PMFBP1: variants seen among roughly 807,000 people sequenced by gnomAD.
PMFBP1 encodes the protein polyamine modulated factor 1 binding protein 1, also known as polyamine-modulated factor 1-binding protein 1.
In PMFBP1, 131 loss-of-function variants were observed where a neutral mutation model predicts 137.8. The ratio of observed to expected loss-of-function variants is 0.95; its 90% CI spans 0.82 to 1.10. PMFBP1 has a LOEUF of 1.10. Among genes scored for constraint, PMFBP1 ranks in the 50% least tolerant of loss-of-function variants. The pLI is 0.00. For synonymous variants in PMFBP1, 490 were observed against 450.4 expected (o/e 1.09, Z -1.11); for missense variants, 1,199 against 1,175.4 (o/e 1.02, Z -0.29).
At chr16:72,210,734 T>C in the PMFBP1 span, among the ~76,000 whole-genome samples, 11 of 152,292 alleles carry the variant, frequency 7.2e-5, no homozygotes, top group Admixed American at 4.6e-4. Context: ...ACAGGGGCAA[T>C]TTCCCTCCCA....
chr16:72,221,956 G>A, the PMFBP1 span, among the ~76,000 whole-genome samples: 1 of 152,184 alleles, frequency 6.6e-6, no homozygotes, highest in Non-Finnish European at 1.5e-5. Flanking sequence ...CAGTTATTGA[G>A]TAGCAGGCAC....
chr16:72,136,569 CGCAGTCCGT>C lies in PMFBP1; in HGVS notation c.1073_1081del (p.His358_Leu360del). Reference sequence around the variant, plus strand: ...CTCAATGTGGGCAGATGTCTCCTCCCGCAGTCCGTGCAGGTCCAGCTCCAGCTTCATCAT... The same window carrying C: ...CTCAATGTGGGCAGATGTCTCCTCCCGCAGGTCCAGCTCCAGCTTCATCAT... On this transcript the variant is annotated inframe_deletion, in exon 9 of 21. Coordinates refer to ENST00000237353, the MANE Select transcript of PMFBP1 (RefSeq NM_031293.3). The C allele has an allele frequency of 6.2e-7, 1 of 1,614,028 alleles. No homozygotes were observed. The highest frequency in any genetic ancestry group is 8.5e-7 in the Non-Finnish European group (1 of 1,179,990).
the PMFBP1 span, among the ~76,000 whole-genome samples, chr16:72,231,551 A>G: frequency 6.6e-6 from 1 of 152,206 alleles, no homozygotes; most frequent in Non-Finnish European, 1.5e-5. Context: ...GAGATGAGAC[A>G]TGGTGTTTTA....
intron 5 of PMFBP1, among the ~76,000 whole-genome samples, chr16:72,147,601 G>C (rs988832236): frequency 1.3e-5 from 2 of 152,110 alleles, no homozygotes; most frequent in Admixed American, 6.5e-5. Context: ...TACGGATTGG[G>C]AGAAAATGTT....
the PMFBP1 span, among the ~76,000 whole-genome samples, chr16:72,208,517 G>GTA: frequency 6.6e-6 from 1 of 152,124 alleles, no homozygotes; most frequent in South Asian, 2.1e-4. Flanking sequence ...TTTCCCAAAG[G>GTA]TAACTTTAAA....
intron 5 of PMFBP1, among the ~76,000 whole-genome samples, chr16:72,141,125 CAG>C (rs2042715640): frequency 6.6e-6 from 1 of 151,900 alleles, no homozygotes; most frequent in Admixed American, 6.6e-5. Flanking sequence ...TTAGTAGAGA[CAG>C]GGTTTCGCCA....
chr16:72,125,073 C>A, intron 16 of PMFBP1, 139 bp from the exon 17 acceptor site: 13 of 1,368,410 alleles, frequency 9.5e-6, no homozygotes, highest in Non-Finnish European at 1.3e-5. Flanking sequence ...AGAGGGCACC[C>A]ATGCTCCGAT....
chr16:72,157,990 A>G (rs1220963168), intron 3 of PMFBP1, among the ~76,000 whole-genome samples: 3 of 152,188 alleles, frequency 2.0e-5, no homozygotes, highest in African/African-American at 7.2e-5. Flanking sequence ...ATGGAATTTT[A>G]ATGAGATTAA....
the PMFBP1 span, among the ~76,000 whole-genome samples, chr16:72,203,681 C>T: frequency 1.2e-4 from 18 of 152,098 alleles, no homozygotes; most frequent in Admixed American, 2.6e-4. Flanking sequence ...TGATCACCAA[C>T]GAGGCAGCAG....
intron 12 of PMFBP1, 100 bp downstream of exon 12, chr16:72,130,113 G>A: frequency 4.7e-6 from 7 of 1,502,266 alleles, no homozygotes; most frequent in South Asian, 1.2e-5. Context: ...CCTTGGCCTC[G>A]CAAAGAGCTG....
intron 5 of PMFBP1, among the ~76,000 whole-genome samples, chr16:72,148,379 G>A (rs1214951991): frequency 6.6e-6 from 1 of 151,328 alleles, no homozygotes; most frequent in African/African-American, 2.4e-5. Context: ...GGGGGGTGGG[G>A]GGCTGGAGGA....
At chr16:72,230,942 C>T in the PMFBP1 span, among the ~76,000 whole-genome samples, 7 of 152,244 alleles carry the variant, frequency 4.6e-5, no homozygotes, top group Non-Finnish European at 7.4e-5. Context: ...GTCTTCAAAT[C>T]GTGTTCTTTA....
chr16:72,186,480 A>T, the PMFBP1 span, among the ~76,000 whole-genome samples: 1 of 152,158 alleles, frequency 6.6e-6, no homozygotes, highest in South Asian at 2.1e-4. Context: ...AGAGGCTGGA[A>T]TGGGAAGAGC....
At chr16:72,187,963 T>C in the PMFBP1 span, among the ~76,000 whole-genome samples, 1 of 152,238 alleles carries the variant, frequency 6.6e-6, no homozygotes, top group Admixed American at 6.5e-5. Context: ...GTCATTAACA[T>C]GAAATGCTTT....
the PMFBP1 span, among the ~76,000 whole-genome samples, chr16:72,236,361 C>A: frequency 6.6e-6 from 1 of 152,134 alleles, no homozygotes. Context: ...ACTAGTGTGT[C>A]TTAGTTTCTG....
intron 3 of PMFBP1, 104 bp from the exon 4 acceptor site, chr16:72,154,563 T>A (rs983532042): frequency 1.5e-6 from 2 of 1,309,128 alleles, no homozygotes; most frequent in East Asian, 2.3e-5. Flanking sequence ...CATCCATCTA[T>A]CCATCTTTTT....
chr16:72,130,021 ATT>A (rs34309753), intron 12 of PMFBP1, among the ~76,000 whole-genome samples, 190 bp downstream of exon 12: 48 of 140,864 alleles, frequency 3.4e-4, no homozygotes, highest in Admixed American at 4.3e-4. Context: ...TAATGTTTGT[ATT>A]TTTTTTTTTT....
chr16:72,193,155 G>C, the PMFBP1 span, among the ~76,000 whole-genome samples: 1 of 152,054 alleles, frequency 6.6e-6, no homozygotes, highest in Non-Finnish European at 1.5e-5. Context: ...GGGAGGCTGT[G>C]GTGAGAGGAT....
At chr16:72,147,175 T>C (rs893959037) in intron 5 of PMFBP1, among the ~76,000 whole-genome samples, 2 of 152,064 alleles carry the variant, frequency 1.3e-5, no homozygotes, top group African/African-American at 4.8e-5. Context: ...CCAAAACAGA[T>C]ATATAGACCA....
Sources: allele counts gnomAD v4.1 joint callset (sites outside exome capture counted in the v4.1 genomes callset), GRCh38; gene constraint gnomAD v4.1.1; transcripts MANE v1.5; gene names NCBI Gene and HGNC (gene_info 2026-07-23, HGNC 2026-07-21).